The following KLHL32 variants were observed in gnomAD, a reference collection of about 807,000 sequenced individuals.
KLHL32 encodes the protein kelch like family member 32.
A neutral mutation model predicts 64.8 loss-of-function variants in KLHL32; 35 were observed. The observed-to-expected ratio is 0.54, with a 90% confidence interval of 0.41 to 0.72. KLHL32 has a LOEUF of 0.72. Among genes scored for constraint, KLHL32 ranks in the 30% least tolerant of loss-of-function variants. The pLI is 0.00. For synonymous variants in KLHL32, 259 were observed against 281.0 expected (o/e 0.92, Z 0.78); for missense variants, 589 against 768.5 (o/e 0.77, Z 2.76).
At chr6:97,090,350 A>G (rs1258126193) in intron 6 of KLHL32, among the ~76,000 whole-genome samples, 1 of 152,176 alleles carries the variant, frequency 6.6e-6, no homozygotes, top group Non-Finnish European at 1.5e-5. Flanking sequence ...TTAATAACAC[A>G]TTCATTTTAT....
At chr6:97,129,607 T>C (rs1273709552) in intron 8 of KLHL32, among the ~76,000 whole-genome samples, 2 of 152,084 alleles carry the variant, frequency 1.3e-5, no homozygotes, top group African/African-American at 4.8e-5. Context: ...TCCAGCAGGG[T>C]GCGGTGGTTC....
intron 3 of KLHL32, among the ~76,000 whole-genome samples, chr6:96,989,195 C>G (rs1196381870): frequency 2.0e-5 from 3 of 152,164 alleles, no homozygotes; most frequent in Non-Finnish European, 4.4e-5. Context: ...TTTATTGTAT[C>G]AGTGGCCTAT....
At chr6:96,976,332 C>A (rs371905888) in intron 3 of KLHL32, among the ~76,000 whole-genome samples, 155 bp downstream of exon 3, 1 of 152,192 alleles carries the variant, frequency 6.6e-6, no homozygotes, top group South Asian at 2.1e-4. Context: ...CTTCCTGGGG[C>A]CCCATTGGGT....
At chr6:97,107,778 A>G (rs1796613284) in intron 6 of KLHL32, among the ~76,000 whole-genome samples, 1 of 152,250 alleles carries the variant, frequency 6.6e-6, no homozygotes, top group Non-Finnish European at 1.5e-5. Flanking sequence ...CCTGTGATAG[A>G]TAAATAAATA....
chr6:96,945,123 T>G (rs1231135128), intron 1 of KLHL32, among the ~76,000 whole-genome samples: 1 of 152,238 alleles, frequency 6.6e-6, no homozygotes, highest in Non-Finnish European at 1.5e-5. Flanking sequence ...TGGGAAGCAT[T>G]TCCTTGAGAG....
At chr6:97,037,561 A>G (rs1431815638) in intron 3 of KLHL32, among the ~76,000 whole-genome samples, 1 of 152,172 alleles carries the variant, frequency 6.6e-6, no homozygotes, top group Non-Finnish European at 1.5e-5. Context: ...GATACTCCGT[A>G]TTCATGGATA....
At chr6:97,019,642 A>C (rs1183155480) in intron 3 of KLHL32, among the ~76,000 whole-genome samples, 1 of 152,210 alleles carries the variant, frequency 6.6e-6, no homozygotes, top group Non-Finnish European at 1.5e-5. Context: ...GTGGCACATC[A>C]GTGTCCTCTC....
chr6:96,967,362 G>A (rs7758623), intron 2 of KLHL32, among the ~76,000 whole-genome samples: 34,587 of 151,604 alleles, frequency 0.23, 4,615 homozygotes, highest in African/African-American at 0.37. Flanking sequence ...CATGAGGTAT[G>A]CTAGTATAAA....
At chr6:97,103,126 C>T (rs908609721) in intron 6 of KLHL32, among the ~76,000 whole-genome samples, 1 of 151,680 alleles carries the variant, frequency 6.6e-6, no homozygotes, top group Admixed American at 6.6e-5. Flanking sequence ...AAATATACCA[C>T]TGTATTCCCT....
chr6:96,966,971 C>G, intron 1 of KLHL32, 25 bp from the exon 2 acceptor site: 2 of 1,199,002 alleles, frequency 1.7e-6, no homozygotes, highest in Non-Finnish European at 2.5e-6. Context: ...CTCAATGCAC[C>G]CTTTTCTCTT....
chr6:97,007,136 G>A lies in KLHL32; in HGVS notation c.204+30959G>A, dbSNP rs181920510. ...TCTCTTTTAGGGATGCTAATGAATTGTAGATTTGGTCTCTTTACATTATCC... is the reference window on the plus strand; with the variant it reads ...TCTCTTTTAGGGATGCTAATGAATTATAGATTTGGTCTCTTTACATTATCC... On this transcript the variant is annotated intron_variant, in intron 3 of 10. Transcript: ENST00000369261. Among the ~76,000 whole-genome samples the A allele has an allele frequency of 2.9e-3, 440 of 152,046 alleles. 3 individuals are homozygous for A. Among genetic ancestry groups the A allele is most frequent in the African/African-American group, 0.01 (428 of 41,470 alleles).
At chr6:97,021,057 T>G (rs9487743) in intron 3 of KLHL32, among the ~76,000 whole-genome samples, 10,600 of 150,760 alleles carry the variant, frequency 0.07, 1,398 homozygotes, top group African/African-American at 0.2. Flanking sequence ...GTTGTATATA[T>G]AGAGAAAAAA....
At position 97,053,413 on chromosome 6, in the gene KLHL32, AT is replaced by A. The variant is rs1345182676; in HGVS notation, c.313-11208del. Among the ~76,000 whole-genome samples the A allele has an allele frequency of 5.3e-5, 8 of 152,164 alleles. No homozygotes were observed. The South Asian group carries it at 1.2e-3, about 24-fold the overall frequency. ...ATAAATCATTCCACACATTTCCCAA[AT>A]TTTTTTCCTCCTTGTTTCAGCACTA... On this transcript the variant is annotated intron_variant, in intron 4 of 10. Transcript: ENST00000369261.
At chr6:96,905,427 C>A in the KLHL32 span, among the ~76,000 whole-genome samples, 1 of 152,196 alleles carries the variant, frequency 6.6e-6, no homozygotes, top group Non-Finnish European at 1.5e-5. Flanking sequence ...CCCTTTGTAA[C>A]TGTCTCTGAT....
chr6:97,015,218 G>C (rs1181174323), intron 3 of KLHL32, among the ~76,000 whole-genome samples: 1 of 152,174 alleles, frequency 6.6e-6, no homozygotes, highest in Non-Finnish European at 1.5e-5. Context: ...TGCAGTGTGA[G>C]AATGGACCAG....
At chr6:96,899,129 CTAATT>C in the KLHL32 span, among the ~76,000 whole-genome samples, 3 of 152,190 alleles carry the variant, frequency 2.0e-5, no homozygotes, top group Admixed American at 1.3e-4. Flanking sequence ...TTCAGCCACT[CTAATT>C]TAAATGCCCT....
intron 5 of KLHL32, among the ~76,000 whole-genome samples, chr6:97,074,344 C>T (rs9487912): frequency 0.01 from 1,536 of 152,286 alleles, 26 homozygotes; most frequent in African/African-American, 0.035. Context: ...GCTCTAGATT[C>T]TGTTGCCACA....
intron 1 of KLHL32, among the ~76,000 whole-genome samples, chr6:96,947,594 A>G (rs1772076731): frequency 6.6e-6 from 1 of 152,176 alleles, no homozygotes; most frequent in Non-Finnish European, 1.5e-5. Flanking sequence ...GGCATACCTC[A>G]ATATATACAG....
At position 97,081,280 on chromosome 6, in the gene KLHL32, G is replaced by A. The variant is rs74484579; in HGVS notation, c.412-3846G>A. ...AGTTTGAAAGTTTCCATGGGTTCACGAGTGTAGGGGCTGGCTCTGGTTGTC... is the reference window on the plus strand; with the variant it reads ...AGTTTGAAAGTTTCCATGGGTTCACAAGTGTAGGGGCTGGCTCTGGTTGTC... On this transcript the variant is annotated intron_variant, in intron 5 of 10. Coordinates refer to ENST00000369261, the MANE Select transcript of KLHL32 (RefSeq NM_052904.4). 5.6e-3 allele frequency among the ~76,000 whole-genome samples: 847 copies of A among 152,236 alleles called. 5 individuals are homozygous for A. The highest frequency in any genetic ancestry group is 0.02 in the African/African-American group (819 of 41,540).
Sources: allele counts gnomAD v4.1 joint callset (sites outside exome capture counted in the v4.1 genomes callset), GRCh38; gene constraint gnomAD v4.1.1; transcripts MANE v1.5; gene names NCBI Gene and HGNC (gene_info 2026-07-23, HGNC 2026-07-21).